The following TENM3 variants were observed in gnomAD, a reference collection of about 807,000 sequenced individuals.
TENM3 encodes teneurin-3.
TENM3 carries 63 observed loss-of-function variants against 255.1 expected under a neutral mutation model. The ratio of observed to expected loss-of-function variants is 0.25; its 90% confidence interval spans 0.20 to 0.30. TENM3 has a LOEUF of 0.30. TENM3 is among the 10% of genes least tolerant of loss of function. TENM3 has a pLI of 1.00. For missense variants in TENM3, 2,929 were observed against 3,461.1 expected, an observed-to-expected ratio of 0.85 and a Z score of 3.86; for synonymous variants, 1,306 against 1,322.3, an observed-to-expected ratio of 0.99 and a Z score of 0.27.
intron 16 of TENM3, among the ~76,000 whole-genome samples, chr4:182,732,346 G>T (rs1265641825): frequency 6.6e-6 from 1 of 152,114 alleles, no homozygotes; most frequent in East Asian, 1.9e-4. Context: ...AATTATTGTT[G>T]TCAGTAAAAA....
At chr4:182,170,704 A>G (rs1037235714) in intron 1 of TENM3, among the ~76,000 whole-genome samples, 2 of 152,156 alleles carry the variant, frequency 1.3e-5, no homozygotes, top group African/African-American at 4.8e-5. Flanking sequence ...TCTTTTTCCA[A>G]GTAAAAAGAA....
the TENM3 span, among the ~76,000 whole-genome samples, chr4:181,926,923 T>C: frequency 6.6e-6 from 1 of 151,774 alleles, no homozygotes; most frequent in Non-Finnish European, 1.5e-5. Context: ...GGGAACTCCC[T>C]CCCCTAGCCA....
chr4:181,712,188 A>T, the TENM3 span, among the ~76,000 whole-genome samples: 1 of 152,120 alleles, frequency 6.6e-6, no homozygotes, highest in African/African-American at 2.4e-5. Flanking sequence ...CCTTCTGTAG[A>T]CTTTAAGGCC....
chr4:181,451,392 T>C, the TENM3 span, among the ~76,000 whole-genome samples: 2 of 152,122 alleles, frequency 1.3e-5, no homozygotes, highest in Non-Finnish European at 2.9e-5. Context: ...AGAAATTTGA[T>C]CTTTCCTCCA....
chr4:182,798,913 C>T (rs773623320), intron 27 of TENM3, among the ~76,000 whole-genome samples: 5 of 152,288 alleles, frequency 3.3e-5, no homozygotes, highest in Non-Finnish European at 7.4e-5. Context: ...TAAGAAATGG[C>T]TGAGTTAAGA....
intron 1 of TENM3, among the ~76,000 whole-genome samples, chr4:182,147,338 A>G (rs1319405249): frequency 6.6e-6 from 1 of 152,196 alleles, no homozygotes; most frequent in East Asian, 1.9e-4. Flanking sequence ...TCCTACCTAT[A>G]GGGATACTAG....
intron 3 of TENM3, among the ~76,000 whole-genome samples, chr4:182,377,198 A>G (rs1767232070): frequency 6.6e-6 from 1 of 152,198 alleles, no homozygotes; most frequent in Non-Finnish European, 1.5e-5. Context: ...CTGTGTTCTG[A>G]TTCAGGAATC....
chr4:182,004,773 G>A, the TENM3 span, among the ~76,000 whole-genome samples: 1 of 152,152 alleles, frequency 6.6e-6, no homozygotes, highest in Non-Finnish European at 1.5e-5. Flanking sequence ...CATTCTGACT[G>A]GCGTGAGATG....
At chr4:181,575,130 A>T in the TENM3 span, among the ~76,000 whole-genome samples, 1 of 152,148 alleles carries the variant, frequency 6.6e-6, no homozygotes, top group African/African-American at 2.4e-5. Context: ...CACTCTCCAC[A>T]GTCCATCAGG....
the TENM3 span, among the ~76,000 whole-genome samples, chr4:181,516,229 A>G: frequency 6.6e-6 from 1 of 152,122 alleles, no homozygotes; most frequent in African/African-American, 2.4e-5. Flanking sequence ...GGGAGGGGAG[A>G]GCATTAGGAA....
the TENM3 span, among the ~76,000 whole-genome samples, chr4:181,635,962 A>G: frequency 3.9e-5 from 6 of 152,256 alleles, no homozygotes; most frequent in East Asian, 1.2e-3. Flanking sequence ...ATATAGATAC[A>G]CATATGCCAT....
the TENM3 span, among the ~76,000 whole-genome samples, chr4:181,555,300 G>C: frequency 2.0e-5 from 3 of 152,040 alleles, no homozygotes; most frequent in African/African-American, 7.2e-5. Context: ...CTTGAGTTAG[G>C]GTACTAATCG....
chr4:181,478,098 C>A, the TENM3 span, among the ~76,000 whole-genome samples: 24 of 152,288 alleles, frequency 1.6e-4, no homozygotes, highest in Admixed American at 1.4e-3. Flanking sequence ...TTTCAATTAT[C>A]CTTAATGGGA....
chr4:181,539,468 A>G, the TENM3 span, among the ~76,000 whole-genome samples: 9 of 152,204 alleles, frequency 5.9e-5, no homozygotes, highest in Admixed American at 5.9e-4. Context: ...CAAAGCAAAA[A>G]CATAACACTG....
At chr4:182,014,614 T>TAGATA in the TENM3 span, among the ~76,000 whole-genome samples, 1 of 152,158 alleles carries the variant, frequency 6.6e-6, no homozygotes, top group Non-Finnish European at 1.5e-5. Context: ...CACATTAGAT[T>TAGATA]TATTAAATTA....
chr4:181,613,901 G>A, the TENM3 span, among the ~76,000 whole-genome samples: 1 of 152,268 alleles, frequency 6.6e-6, no homozygotes, highest in East Asian at 1.9e-4. Flanking sequence ...AACAAATTGA[G>A]TGCAGAAGTA....
the TENM3 span, among the ~76,000 whole-genome samples, chr4:181,610,422 C>T: frequency 1.9e-4 from 29 of 152,234 alleles, no homozygotes; most frequent in South Asian, 4.3e-3. Flanking sequence ...TTTTTGCATG[C>T]GTGACTGAAT....
chr4:181,525,978 T>C, the TENM3 span, among the ~76,000 whole-genome samples: 7 of 152,296 alleles, frequency 4.6e-5, no homozygotes, highest in East Asian at 1.2e-3. Context: ...AACCAAATAA[T>C]GTAAATACAG....
At chr4:181,707,079 G>GA in the TENM3 span, among the ~76,000 whole-genome samples, 1 of 152,190 alleles carries the variant, frequency 6.6e-6, no homozygotes, top group Non-Finnish European at 1.5e-5. Flanking sequence ...AGATGTACTA[G>GA]AAAATGCTTT....
Sources: gnomAD v4.1 joint callset for allele counts (sites outside exome capture counted in the v4.1 genomes callset) on GRCh38, gnomAD v4.1.1 for gene constraint, MANE v1.5 for transcripts, NCBI Gene and HGNC (gene_info 2026-07-23, HGNC 2026-07-21) for gene names.